Variants in EDARADD observed in about 807,000 individuals in gnomAD.
EDARADD encodes the protein EDAR associated via death domain.
In EDARADD, 20 loss-of-function variants were observed where a neutral mutation model predicts 25.6. The observed-to-expected ratio is 0.78, with a 90% CI of 0.55 to 1.14. The LOEUF (loss-of-function observed/expected upper bound fraction) is 1.14. EDARADD is among the 50% of genes most tolerant of loss of function. The pLI is 0.00. For synonymous variants in EDARADD, 86 were observed against 94.4 expected, an observed-to-expected ratio of 0.91 and a Z score of 0.52; for missense variants, 225 against 270.1, an observed-to-expected ratio of 0.83 and a Z score of 1.17.
At chr1:236,424,154 CT>C (rs34454343) in intron 3 of EDARADD, among the ~76,000 whole-genome samples, 3,431 of 74,394 alleles carry the variant, frequency 0.046, 74 homozygotes, top group African/African-American at 0.14. Context: ...TGTGAAGCAT[CT>C]TTTTTTTTTT....
At chr1:236,425,844 G>A (rs573640843) in intron 3 of EDARADD, among the ~76,000 whole-genome samples, 44 of 152,344 alleles carry the variant, frequency 2.9e-4, no homozygotes, top group Middle Eastern at 3.4e-3. Flanking sequence ...ATCCCAGGCA[G>A]CCTGCGTGGT....
chr1:236,430,250 C>A (rs575374253), intron 4 of EDARADD, among the ~76,000 whole-genome samples: 1 of 152,254 alleles, frequency 6.6e-6, no homozygotes, highest in South Asian at 2.1e-4. Context: ...TAATAATGGG[C>A]TTCTGTGCTT....
intron 3 of EDARADD, among the ~76,000 whole-genome samples, chr1:236,425,874 C>T (rs916180609): frequency 1.3e-5 from 2 of 152,136 alleles, no homozygotes; most frequent in Non-Finnish European, 2.9e-5. Flanking sequence ...GTTGGTTAGC[C>T]GAGAGCAGTT....
chr1:236,404,083 ACTGGC>A (rs1279444930), intron 1 of EDARADD, among the ~76,000 whole-genome samples: 1 of 152,154 alleles, frequency 6.6e-6, no homozygotes, highest in East Asian at 1.9e-4. Context: ...TGGCGAAACC[ACTGGC>A]CTTGTCTCCG....
rs1667498659 is a variant in EDARADD at position 236,395,489 on chromosome 1, G to T, written c.61+984G>T. Reference sequence around the variant, plus strand: ...GAAGAAGGGAGGGGAAGGCGGAGGAGGGCAGGGGCGCGCAGAGCCACGGTT... The same window carrying T: ...GAAGAAGGGAGGGGAAGGCGGAGGATGGCAGGGGCGCGCAGAGCCACGGTT... On this transcript the variant is annotated intron_variant, in intron 1 of 5. Transcript: ENST00000334232. The surrounding 1 kb of genome is among the most constrained non-coding windows in gnomAD (Gnocchi z 6.9). 6.6e-7 allele frequency: 1 copy of T among 1,520,598 alleles called. No individual in the cohort carries two copies. Among genetic ancestry groups the T allele is most frequent in the Non-Finnish European group, 8.8e-7 (1 of 1,137,858 alleles). 94.2% of individuals were successfully genotyped at this position (1,520,598 alleles called of 1,614,324 possible).
chr1:236,359,084 C>T (rs1667015684), intron 3 of EDARADD, among the ~76,000 whole-genome samples: 1 of 152,156 alleles, frequency 6.6e-6, no homozygotes, highest in Non-Finnish European at 1.5e-5. Context: ...GTCCTAAGCA[C>T]AGTTGTAAAA....
intron 4 of EDARADD, among the ~76,000 whole-genome samples, chr1:236,458,645 T>TTTTTTTTTTTTTTTTTTTTTTG (rs1658948982): frequency 6.9e-6 from 1 of 144,490 alleles, no homozygotes. Context: ...CTTTTTCTTT[T>TTTTTTTTTTTTTTTTTTTTTTG]TTTTTTTTTT....
chr1:236,394,219 A>T (rs1367736532), upstream of EDARADD: 2 of 543,300 alleles, frequency 3.7e-6, no homozygotes, highest in Non-Finnish European at 6.6e-6. Context: ...AGAACCACAA[A>T]CCAAACCTCC....
At chr1:236,356,872 T>G (rs1306539006) in intron 3 of EDARADD, among the ~76,000 whole-genome samples, 2 of 151,928 alleles carry the variant, frequency 1.3e-5, no homozygotes, top group Admixed American at 1.3e-4. Flanking sequence ...TCACCTGAGG[T>G]CAGGAGTTCG....
intron 4 of EDARADD, among the ~76,000 whole-genome samples, chr1:236,433,299 G>A (rs1490923575): frequency 7.6e-6 from 1 of 130,804 alleles, no homozygotes; most frequent in Admixed American, 7.8e-5. Context: ...GCTCATGCCT[G>A]TAATCCCAGC....
In EDARADD at chr1:236,388,009, TAA is replaced by T. The variant is rs538041427; in HGVS notation, c.-5-21197_-5-21196del. ...AAGAATTATCAATAAAAAAATAAATTAAAAAAAAAAATAATAATAATAATAAT... is the reference window on the plus strand; with the variant it reads ...AAGAATTATCAATAAAAAAATAAATTAAAAAAAAATAATAATAATAATAAT... On this transcript the variant is annotated intron_variant, in intron 3 of 7. Coordinates refer to the EDARADD transcript ENST00000439430. Among the ~76,000 whole-genome samples the T allele has an allele frequency of 7.9e-4, 21 of 26,550 alleles. 10 individuals are homozygous for T. Among genetic ancestry groups the T allele is most frequent in the Non-Finnish European group, 3.2e-4 (4 of 12,492 alleles). 17.4% of individuals were successfully genotyped at this position (26,550 alleles called of 152,430 possible).
chr1:236,483,411 A>T lies in EDARADD; in HGVS notation c.*762A>T. 8.5e-7 allele frequency: 1 copy of T among 1,173,796 alleles called. No homozygotes were observed. Among genetic ancestry groups the T allele is most frequent in the Non-Finnish European group, 1.3e-6 (1 of 781,112 alleles). 72.7% of individuals were successfully genotyped at this position (1,173,796 alleles called of 1,614,324 possible). On this transcript the variant is annotated 3_prime_UTR_variant, in exon 6 of 6. Coordinates refer to ENST00000334232, the MANE Select transcript of EDARADD (RefSeq NM_145861.4). The stretch of plus-strand genomic sequence containing the variant: ...ACCTGTCCTGGTTAGCAAGAAACTG[A>T]ACGTCACAGAACAAGAGAAGATTGA...
chr1:236,459,763 C>G (rs950264049), intron 4 of EDARADD, among the ~76,000 whole-genome samples: 4 of 152,006 alleles, frequency 2.6e-5, no homozygotes, highest in Non-Finnish European at 5.9e-5. Context: ...CAGGCTCCCA[C>G]CGCCACACCC....
intron 1 of EDARADD, among the ~76,000 whole-genome samples, chr1:236,400,887 A>G (rs1667601836): frequency 6.6e-6 from 1 of 151,942 alleles, no homozygotes; most frequent in African/African-American, 2.4e-5. Context: ...TCCAATAATG[A>G]CAATAGCAGT....
intron 4 of EDARADD, among the ~76,000 whole-genome samples, chr1:236,448,097 A>G (rs1370074957): frequency 2.0e-5 from 3 of 152,168 alleles, no homozygotes; most frequent in African/African-American, 4.8e-5. Flanking sequence ...GGGCTCCCAA[A>G]GTGCTGGGAT....
intron 3 of EDARADD, among the ~76,000 whole-genome samples, chr1:236,356,953 G>A (rs148199633): frequency 0.012 from 1,789 of 152,084 alleles, 36 homozygotes; most frequent in African/African-American, 0.041. Flanking sequence ...GCATGGTGGT[G>A]CATGCCTGTA....
rs138805529 is a variant in EDARADD, at chr1:236,394,290, C to G, written c.-155C>G. Reference sequence around the variant, plus strand: ...TTTCCCTTCCTATCCGAAGGCAGACCAAGAGGAAGTTTATCCTCCCACCTA... The same window carrying G: ...TTTCCCTTCCTATCCGAAGGCAGACGAAGAGGAAGTTTATCCTCCCACCTA... On this transcript the variant is annotated 5_prime_UTR_variant, in exon 1 of 6. Transcript: ENST00000334232. The G allele has an allele frequency of 6.0e-5, 47 of 783,874 alleles. No individual in the cohort carries two copies. Among genetic ancestry groups the G allele is most frequent in the Admixed American group, 9.1e-5 (4 of 43,940 alleles). 48.6% of individuals were successfully genotyped at this position (783,874 alleles called of 1,614,324 possible).
At chr1:236,381,453 C>T (rs1252041236) in intron 3 of EDARADD, among the ~76,000 whole-genome samples, 1 of 151,932 alleles carries the variant, frequency 6.6e-6, no homozygotes, top group Non-Finnish European at 1.5e-5. Flanking sequence ...TTATCATATA[C>T]ATCTTTAACA....
intron 5 of EDARADD, among the ~76,000 whole-genome samples, chr1:236,479,488 C>T (rs1210590585): frequency 6.8e-6 from 1 of 147,876 alleles, no homozygotes; most frequent in African/African-American, 2.5e-5. Context: ...AAGCAAGACC[C>T]TGTCTCAAAA....
Sources: gnomAD v4.1 joint callset for allele counts (sites outside exome capture counted in the v4.1 genomes callset) on GRCh38, gnomAD v4.1.1 for gene constraint, Gnocchi (gnomAD v3.1) non-coding constraint, MANE v1.5 for transcripts, NCBI Gene and HGNC (gene_info 2026-07-23, HGNC 2026-07-21) for gene names.